IL1RAPL1: variants seen among roughly 807,000 people sequenced by gnomAD.
IL1RAPL1 encodes interleukin 1 receptor accessory protein like 1, also known as interleukin-1 receptor accessory protein-like 1.
In IL1RAPL1, 3 loss-of-function variants were observed where a neutral mutation model predicts 48.4. That is an observed-to-expected ratio of 0.06 (90% confidence interval 0.03 to 0.16). The LOEUF (loss-of-function observed/expected upper bound fraction) is 0.16, where lower values mean the gene tolerates loss of function less well. IL1RAPL1 is among the 10% of genes least tolerant of loss of function. IL1RAPL1 has a pLI of 1.00. For synonymous variants in IL1RAPL1, 185 were observed against 187.7 expected (o/e 0.99, Z 0.12); for missense variants, 349 against 530.6 (o/e 0.66, Z 3.36).
Position 29,283,073 on chromosome X carries a change from G to T in IL1RAPL1, c.218G>T (p.Ser73Ile). ...TCCCTTGCCCAAAGTGCTGGACTCA[G>T]TTTGATGTGGTACAAAAGTTCTGGT... ...NYSLAQSAGL[S>I]LMWYKSSGPG... Residue 73 changes from serine to isoleucine, a missense_variant, in exon 3 of 11, where the codon AGT becomes ATT. Coordinates refer to ENST00000378993, the MANE Select transcript of IL1RAPL1 (RefSeq NM_014271.4). 8.3e-7 allele frequency: 1 copy of T among 1,211,713 alleles called. No individual in the cohort carries two copies. The highest frequency in any genetic ancestry group is 1.1e-6 in the Non-Finnish European group (1 of 895,507).
chrX:29,088,641 CT>C (rs1353379836), intron 2 of IL1RAPL1, among the ~76,000 whole-genome samples: 1 of 91,313 alleles, frequency 1.1e-5, no homozygotes, highest in Non-Finnish European at 2.1e-5. Flanking sequence ...CGCCATTGTA[CT>C]CCAGCATGGG....
intron 6 of IL1RAPL1, among the ~76,000 whole-genome samples, chrX:29,680,862 T>C (rs1446828267): frequency 8.9e-6 from 1 of 111,887 alleles, no homozygotes; most frequent in Non-Finnish European, 1.9e-5. Flanking sequence ...GTCTCAACTC[T>C]AGACCTGCAT....
intron 1 of IL1RAPL1, among the ~76,000 whole-genome samples, chrX:28,737,379 C>T (rs1332087834): frequency 9.2e-6 from 1 of 108,381 alleles, no homozygotes; most frequent in Non-Finnish European, 1.9e-5. Context: ...GCCTCAGCTT[C>T]CTGAGTAGCT....
intron 2 of IL1RAPL1, among the ~76,000 whole-genome samples, chrX:29,087,173 C>G (rs1927971824): frequency 2.1e-5 from 2 of 93,288 alleles, no homozygotes; most frequent in South Asian, 1.1e-3. Flanking sequence ...GAGCCTTGCT[C>G]TGTCGCCAGG....
At chrX:29,152,654 A>G (rs747717407) in intron 2 of IL1RAPL1, among the ~76,000 whole-genome samples, 2 of 112,393 alleles carry the variant, frequency 1.8e-5, no homozygotes, top group Non-Finnish European at 3.8e-5. Context: ...AAATGTAACA[A>G]CTTGTGATTG....
chrX:28,840,104 G>T (rs1274613201), intron 2 of IL1RAPL1, among the ~76,000 whole-genome samples: 1 of 110,339 alleles, frequency 9.1e-6, no homozygotes, highest in African/African-American at 3.3e-5. Flanking sequence ...CATGGGAATA[G>T]AATTCTAAAG....
chrX:29,320,289 C>T (rs1932795216), intron 3 of IL1RAPL1, among the ~76,000 whole-genome samples: 1 of 111,635 alleles, frequency 9.0e-6, no homozygotes, highest in Non-Finnish European at 1.9e-5. Context: ...TCAGATTTTC[C>T]TCAACATATA....
At chrX:29,319,550 G>GTATC (rs1196506135) in intron 3 of IL1RAPL1, among the ~76,000 whole-genome samples, 856 of 48,278 alleles carry the variant, frequency 0.018, 16 homozygotes, top group African/African-American at 0.035. Context: ...ATGTATGTAT[G>GTATC]TATGTATGTA....
intron 2 of IL1RAPL1, among the ~76,000 whole-genome samples, chrX:29,071,322 T>C (rs1927560898): frequency 9.0e-6 from 1 of 111,496 alleles, no homozygotes; most frequent in African/African-American, 3.3e-5. Flanking sequence ...AAAAGGACAT[T>C]TCTAGAATGT....
At chrX:29,686,463 T>A (rs1316619511) in intron 6 of IL1RAPL1, among the ~76,000 whole-genome samples, 1 of 110,745 alleles carries the variant, frequency 9.0e-6, no homozygotes. Flanking sequence ...ACATGATAAA[T>A]ACCTGTAGAG....
chrX:29,268,647 G>A (rs937149880), intron 2 of IL1RAPL1, among the ~76,000 whole-genome samples: 2 of 111,831 alleles, frequency 1.8e-5, no homozygotes, highest in Non-Finnish European at 3.8e-5. Flanking sequence ...GTAAGATTTG[G>A]GACAAACATC....
chrX:29,541,363 G>C (rs1921432910), intron 5 of IL1RAPL1, among the ~76,000 whole-genome samples: 1 of 111,621 alleles, frequency 9.0e-6, no homozygotes, highest in South Asian at 3.7e-4. Flanking sequence ...ACTGGGCAAA[G>C]TGCTTTGACG....
chrX:28,947,322 T>C (rs775871057), intron 2 of IL1RAPL1, among the ~76,000 whole-genome samples: 9 of 111,898 alleles, frequency 8.0e-5, no homozygotes, highest in Non-Finnish European at 1.5e-4. Context: ...TTAGAGTTGA[T>C]TCACTACATA....
intron 5 of IL1RAPL1, among the ~76,000 whole-genome samples, chrX:29,555,058 C>A (rs1284049486): frequency 8.9e-6 from 1 of 112,674 alleles, no homozygotes; most frequent in Non-Finnish European, 1.9e-5. Context: ...GACTGAGAAT[C>A]CCCTTTAACA....
At chrX:29,339,075 T>TACACACACAAACACAC in intron 3 of IL1RAPL1, among the ~76,000 whole-genome samples, 1 of 92,321 alleles carries the variant, frequency 1.1e-5, no homozygotes, top group Middle Eastern at 5.7e-3. Context: ...GCTGGGTAAA[T>TACACACACAAACACAC]ACACACACAC....
chrX:29,014,044 A>G (rs752289453), intron 2 of IL1RAPL1, among the ~76,000 whole-genome samples: 1 of 111,848 alleles, frequency 8.9e-6, no homozygotes, highest in Admixed American at 9.5e-5. Flanking sequence ...TTAACAGAAA[A>G]ACATCCAGAA....
At chrX:29,302,559 A>T (rs1388954667) in intron 3 of IL1RAPL1, among the ~76,000 whole-genome samples, 1 of 112,164 alleles carries the variant, frequency 8.9e-6, no homozygotes, top group Non-Finnish European at 1.9e-5. Context: ...CGACTATAGT[A>T]AAGTTCCCAT....
chrX:29,780,468 G>A (rs1313844063), intron 6 of IL1RAPL1, among the ~76,000 whole-genome samples: 3 of 111,084 alleles, frequency 2.7e-5, no homozygotes, highest in Non-Finnish European at 3.8e-5. Context: ...TTCATGAGGC[G>A]CAGAATTCAT....
intron 2 of IL1RAPL1, among the ~76,000 whole-genome samples, chrX:28,969,723 T>A (rs1925007902): frequency 9.1e-6 from 1 of 109,364 alleles, no homozygotes; most frequent in South Asian, 3.9e-4. Context: ...TAAGAAATTG[T>A]ATTCTTAGAT....
Sources: gnomAD v4.1 joint callset for allele counts (sites outside exome capture counted in the v4.1 genomes callset) on GRCh38, gnomAD v4.1.1 for gene constraint, MANE v1.5 for transcripts, NCBI Gene and HGNC (gene_info 2026-07-23, HGNC 2026-07-21) for gene names.